Variants in TENM1 observed in about 807,000 individuals in gnomAD.
TENM1 encodes teneurin-1.
In TENM1, 35 loss-of-function variants were observed where a neutral mutation model predicts 174.8. That is an observed-to-expected ratio of 0.20 (90% confidence interval 0.15 to 0.27). The LOEUF (loss-of-function observed/expected upper bound fraction) is 0.27. Among genes scored for constraint, TENM1 ranks in the 10% least tolerant of loss-of-function variants. TENM1 has a pLI of 1.00. For synonymous variants in TENM1, 781 were observed against 798.7 expected (o/e 0.98, Z 0.37); for missense variants, 1,633 against 2,130.1 (o/e 0.77, Z 4.59).
chrX:124,523,216 G>T, intron 17 of TENM1, 148 bp downstream of exon 20: 1 of 616,596 alleles, frequency 1.6e-6, no homozygotes, highest in South Asian at 3.5e-5. Flanking sequence ...ATGTATGCCA[G>T]AAAAACATTT....
the TENM1 span, among the ~76,000 whole-genome samples, chrX:124,973,959 G>C: frequency 1.8e-5 from 2 of 111,488 alleles, no homozygotes; most frequent in Non-Finnish European, 3.8e-5. Flanking sequence ...GACCTGTCGG[G>C]GGAGTGGGAG....
intron 3 of TENM1, among the ~76,000 whole-genome samples, chrX:124,754,949 C>A (rs1436230776): frequency 9.5e-5 from 10 of 104,869 alleles, no homozygotes; most frequent in South Asian, 4.4e-4. Context: ...TGGTGCTGAA[C>A]AAAATGTATA....
At chrX:124,901,403 C>A (rs910500476) in intron 1 of TENM1, among the ~76,000 whole-genome samples, 2 of 111,623 alleles carry the variant, frequency 1.8e-5, no homozygotes, top group African/African-American at 6.5e-5. Context: ...CCTAAAGAAG[C>A]CATTTATCAA....
At chrX:125,050,424 T>C in the TENM1 span, among the ~76,000 whole-genome samples, 1 of 110,118 alleles carries the variant, frequency 9.1e-6, no homozygotes, top group African/African-American at 3.3e-5. Flanking sequence ...TGGTTTTTTG[T>C]CCTTGCAATA....
At chrX:125,015,589 T>G in the TENM1 span, among the ~76,000 whole-genome samples, 2 of 111,598 alleles carry the variant, frequency 1.8e-5, no homozygotes, top group African/African-American at 6.5e-5. Context: ...AAAAGGATAA[T>G]GTACATGCAT....
chrX:124,389,561 T>C (rs1410589093), intron 28 of TENM1, among the ~76,000 whole-genome samples: 6 of 111,308 alleles, frequency 5.4e-5, no homozygotes, highest in Non-Finnish European at 3.8e-5. Context: ...GTTCTTTCCC[T>C]TTTTCCCTCT....
the TENM1 span, among the ~76,000 whole-genome samples, chrX:125,158,401 C>CAA: frequency 1.4e-3 from 51 of 36,433 alleles, no homozygotes; most frequent in Non-Finnish European, 1.4e-3. Context: ...GAATCCATCT[C>CAA]AAAAAAAAAA....
intron 1 of TENM1, among the ~76,000 whole-genome samples, chrX:124,914,909 A>G (rs2057896796): frequency 9.0e-6 from 1 of 111,577 alleles, no homozygotes; most frequent in Admixed American, 9.5e-5. Context: ...CATGCTTTAC[A>G]AAGTCTTATG....
At chrX:124,931,169 AAAAGG>A (rs1335734168) in intron 1 of TENM1, among the ~76,000 whole-genome samples, 3 of 110,952 alleles carry the variant, frequency 2.7e-5, no homozygotes, top group Non-Finnish European at 3.8e-5. Flanking sequence ...GGAGGCTTTT[AAAAGG>A]AAAGTGTTAA....
At chrX:124,578,800 T>C (rs1000075469) in intron 11 of TENM1, among the ~76,000 whole-genome samples, 7 of 111,670 alleles carry the variant, frequency 6.3e-5, no homozygotes, top group African/African-American at 2.3e-4. Context: ...AACTTTAAAA[T>C]TCATCTGGCC....
At position 124,660,300 on chromosome X, in the gene TENM1, G is replaced by A. The variant is rs777398294; in HGVS notation, c.1169-6517C>T. 1.2e-4 allele frequency among the ~76,000 whole-genome samples: 13 copies of A among 107,483 alleles called. No individual in the cohort carries two copies. In the East Asian group the frequency reaches 2.4e-3, roughly 19 times the overall value. The allele number at this position is 107,483 out of a possible 115,157, so 93.3% of individuals were successfully genotyped here. Reference sequence around the variant, plus strand: ...TGAGGCAGGAGAATGGCGTGAACCCGGGAGGCAGAGGTTGCAGTGAGCCGA... The same window carrying A: ...TGAGGCAGGAGAATGGCGTGAACCCAGGAGGCAGAGGTTGCAGTGAGCCGA... On this transcript the variant is annotated intron_variant, in intron 6 of 31. Coordinates refer to ENST00000422452, the Ensembl canonical transcript of TENM1.
chrX:125,200,555 C>A, the TENM1 span, among the ~76,000 whole-genome samples: 1 of 107,639 alleles, frequency 9.3e-6, no homozygotes, highest in Admixed American at 1.0e-4. Flanking sequence ...AGCAATTTAA[C>A]AAATATATAT....
intron 18 of TENM1, among the ~76,000 whole-genome samples, chrX:124,517,017 A>C (rs2047719776): frequency 8.9e-6 from 1 of 111,740 alleles, no homozygotes; most frequent in African/African-American, 3.3e-5. Flanking sequence ...ATGGAGCTGG[A>C]GGTTATTATC....
intron 17 of TENM1, among the ~76,000 whole-genome samples, 154 bp downstream of exon 20, chrX:124,523,210 A>G (rs149255316): frequency 0.012 from 1,390 of 112,485 alleles, 18 homozygotes; most frequent in African/African-American, 0.043. Context: ...TTAAAAATGT[A>G]TGCCAGAAAA....
At chrX:125,194,923 TTGAGTTTCCAG>T in the TENM1 span, among the ~76,000 whole-genome samples, 9,438 of 111,708 alleles carry the variant, frequency 0.084, 383 homozygotes, top group Middle Eastern at 0.12. Context: ...ATATCAATCT[TTGAGTTTCCAG>T]AGCATTCTAA....
At chrX:124,875,381 T>G (rs975814962) in intron 3 of TENM1, among the ~76,000 whole-genome samples, 3 of 110,907 alleles carry the variant, frequency 2.7e-5, no homozygotes, top group Non-Finnish European at 3.8e-5. Flanking sequence ...CTAAATTCTC[T>G]TATTTCTTGT....
intron 1 of TENM1, among the ~76,000 whole-genome samples, chrX:124,897,925 G>C (rs2057590756): frequency 8.9e-6 from 1 of 112,473 alleles, no homozygotes; most frequent in South Asian, 3.6e-4. Context: ...TAGCAATCTA[G>C]AATATTGGGA....
intron 3 of TENM1, among the ~76,000 whole-genome samples, chrX:124,876,071 T>G (rs753797178): frequency 9.1e-6 from 1 of 110,120 alleles, no homozygotes; most frequent in Non-Finnish European, 1.9e-5. Context: ...GTGTAAATAC[T>G]GACTTTACCA....
intron 23 of TENM1, among the ~76,000 whole-genome samples, chrX:124,445,547 C>T (rs750776140): frequency 2.7e-5 from 3 of 112,363 alleles, no homozygotes; most frequent in African/African-American, 9.7e-5. Context: ...TTAGACCCAT[C>T]TGACAAATGG....
Sources: allele counts gnomAD v4.1 joint callset (sites outside exome capture counted in the v4.1 genomes callset), GRCh38; gene constraint gnomAD v4.1.1; transcripts MANE v1.5; gene names NCBI Gene and HGNC (gene_info 2026-07-23, HGNC 2026-07-21).